The following ADK variants were observed in gnomAD, a reference collection of about 807,000 sequenced individuals.
ADK encodes N6,N6-dimethyladenosine kinase.
Under a neutral mutation model 44.7 loss-of-function variants are expected in ADK, and 24 were observed. The observed-to-expected ratio is 0.54, with a 90% CI of 0.39 to 0.76. The LOEUF (loss-of-function observed/expected upper bound fraction) is 0.76, where lower values mean the gene tolerates loss of function less well. ADK is among the 30% of genes least tolerant of loss of function. The pLI is 0.00. For missense variants in ADK, 321 were observed against 425.1 expected (o/e 0.76, Z 2.15); for synonymous variants, 128 against 142.6 (o/e 0.90, Z 0.73).
At chr10:74,330,673 G>T (rs1841186870) in intron 4 of ADK, among the ~76,000 whole-genome samples, 1 of 152,188 alleles carries the variant, frequency 6.6e-6, no homozygotes, top group African/African-American at 2.4e-5. Flanking sequence ...AGGATACGCA[G>T]TCAGCCTTTG....
At chr10:74,462,298 G>A (rs907024953) in intron 6 of ADK, among the ~76,000 whole-genome samples, 5 of 151,796 alleles carry the variant, frequency 3.3e-5, no homozygotes, top group South Asian at 2.1e-4. Context: ...GAAGTTATAC[G>A]GAGTATTAAG....
chr10:74,290,877 T>C (rs768294419), intron 3 of ADK, among the ~76,000 whole-genome samples: 4 of 152,248 alleles, frequency 2.6e-5, no homozygotes, highest in South Asian at 2.1e-4. Flanking sequence ...TATTTAGCCA[T>C]TGGTATTTTA....
intron 7 of ADK, among the ~76,000 whole-genome samples, chr10:74,572,979 A>G (rs1029994836): frequency 6.6e-6 from 1 of 152,114 alleles, no homozygotes; most frequent in South Asian, 2.1e-4. Flanking sequence ...TAGTTTGATC[A>G]TCTGAAGCCT....
chr10:74,160,229 T>G (rs1841852807), intron 1 of ADK, among the ~76,000 whole-genome samples: 1 of 152,198 alleles, frequency 6.6e-6, no homozygotes, highest in South Asian at 2.1e-4. Context: ...CATGTCAGTT[T>G]CCCATTGCCA....
At chr10:74,633,936 A>C (rs1460730586) in intron 9 of ADK, among the ~76,000 whole-genome samples, 4 of 152,242 alleles carry the variant, frequency 2.6e-5, no homozygotes. Context: ...AATTTCAGAA[A>C]GGAGAAAAAC....
intron 9 of ADK, among the ~76,000 whole-genome samples, chr10:74,663,248 A>AATATAT (rs199853152): frequency 0.021 from 2,917 of 140,772 alleles, 66 homozygotes; most frequent in African/African-American, 0.054. Flanking sequence ...AAAAAAAAAT[A>AATATAT]ATATATATAT....
chr10:74,274,564 T>TA (rs1564628265), intron 3 of ADK, among the ~76,000 whole-genome samples: 17 of 149,338 alleles, frequency 1.1e-4, no homozygotes, highest in East Asian at 2.0e-4. Context: ...GACTCTGTCT[T>TA]AAAAAAAAAG....
intron 2 of ADK, among the ~76,000 whole-genome samples, chr10:74,202,430 T>C: frequency 6.6e-6 from 1 of 152,228 alleles, no homozygotes; most frequent in East Asian, 1.9e-4. Context: ...AATATTCATG[T>C]ATAAGCTTTT....
intron 6 of ADK, among the ~76,000 whole-genome samples, chr10:74,519,446 C>T (rs1374104509): frequency 6.6e-6 from 1 of 151,910 alleles, no homozygotes; most frequent in Non-Finnish European, 1.5e-5. Context: ...TTGCACTAGT[C>T]ACATTTTAAG....
intron 3 of ADK, among the ~76,000 whole-genome samples, chr10:74,285,520 A>G (rs1286531807): frequency 9.9e-6 from 1 of 101,290 alleles, no homozygotes; most frequent in Non-Finnish European, 2.4e-5. Context: ...TTATATATTT[A>G]TACATCTATA....
chr10:74,154,702 G>A lies in ADK; in HGVS notation c.65+3359G>A, dbSNP rs1841702497. Among the ~76,000 whole-genome samples the A allele has an allele frequency of 1.3e-5, 2 of 152,128 alleles. 1 individual carries two copies. The highest frequency in any genetic ancestry group is 4.1e-4 in the South Asian group (2 of 4,830). On this transcript the variant is annotated intron_variant, in intron 1 of 10. Coordinates refer to ENST00000539909, the MANE Select transcript of ADK (RefSeq NM_006721.4). ...GCATTTTTCCATATTTCCTGCATCTGTTAATGGCACCAGTAACCTCCTTTA... is the reference window on the plus strand; with the variant it reads ...GCATTTTTCCATATTTCCTGCATCTATTAATGGCACCAGTAACCTCCTTTA...
At chr10:74,473,002 T>A (rs1846663152) in intron 6 of ADK, among the ~76,000 whole-genome samples, 1 of 152,120 alleles carries the variant, frequency 6.6e-6, no homozygotes, top group Non-Finnish European at 1.5e-5. Context: ...TTGTTTTCAT[T>A]TTTTTGAGAT....
At position 74,412,275 on chromosome 10, in the gene ADK, C is replaced by A. The variant is rs865803345; in HGVS notation, c.555+13696C>A. Reference sequence around the variant, plus strand: ...ACTGCACATTGCAGTCTCAATCTCCCAGGCAAGCTCAAGCAATCCTCCCAC... The same window carrying A: ...ACTGCACATTGCAGTCTCAATCTCCAAGGCAAGCTCAAGCAATCCTCCCAC... On this transcript the variant is annotated intron_variant, in intron 6 of 10. Coordinates refer to ENST00000539909, the MANE Select transcript of ADK (RefSeq NM_006721.4). Among the ~76,000 whole-genome samples the A allele has an allele frequency of 2.6e-5, 4 of 152,218 alleles. No homozygotes were observed. The East Asian group carries it at 5.8e-4, about 22-fold the overall frequency.
At chr10:74,359,740 GA>G (rs1289347523) in intron 4 of ADK, among the ~76,000 whole-genome samples, 2 of 151,948 alleles carry the variant, frequency 1.3e-5, no homozygotes, top group Non-Finnish European at 2.9e-5. Context: ...GTAATTAAAG[GA>G]AAAAAACATT....
At chr10:74,347,106 CAAAAA>C (rs58074760) in intron 4 of ADK, among the ~76,000 whole-genome samples, 31 of 92,260 alleles carry the variant, frequency 3.4e-4, no homozygotes, top group Middle Eastern at 4.8e-3. Context: ...CACTCTGTCT[CAAAAA>C]AAAAAAAAAA....
At chr10:74,551,217 G>GA (rs1047922744) in intron 7 of ADK, among the ~76,000 whole-genome samples, 4 of 152,104 alleles carry the variant, frequency 2.6e-5, no homozygotes, top group African/African-American at 9.7e-5. Context: ...TATTCATATG[G>GA]AAAAAATTAA....
At chr10:74,491,592 A>G (rs894193359) in intron 6 of ADK, among the ~76,000 whole-genome samples, 2 of 152,150 alleles carry the variant, frequency 1.3e-5, no homozygotes, top group African/African-American at 4.8e-5. Flanking sequence ...TTTACTCTGT[A>G]TTTTAAAGAA....
intron 10 of ADK, among the ~76,000 whole-genome samples, chr10:74,684,391 T>C (rs1419229138): frequency 6.6e-6 from 1 of 152,226 alleles, no homozygotes; most frequent in African/African-American, 2.4e-5. Context: ...AATGTAAAGA[T>C]ACAGTGATCT....
intron 6 of ADK, among the ~76,000 whole-genome samples, chr10:74,451,336 A>G (rs745809368): frequency 2.0e-4 from 30 of 152,066 alleles, no homozygotes; most frequent in Non-Finnish European, 3.5e-4. Flanking sequence ...TCTGCAAAGT[A>G]GGTAACAAAA....
Sources: allele counts gnomAD v4.1 joint callset (sites outside exome capture counted in the v4.1 genomes callset), GRCh38; gene constraint gnomAD v4.1.1; transcripts MANE v1.5; gene names NCBI Gene and HGNC (gene_info 2026-07-23, HGNC 2026-07-21).